KIRREL3: variants seen among roughly 807,000 people sequenced by gnomAD.
The protein encoded by KIRREL3 is kirre like nephrin family adhesion molecule 3.
KIRREL3 carries 36 observed loss-of-function variants against 89.7 expected under a neutral mutation model. The ratio of observed to expected loss-of-function variants is 0.40; its 90% CI spans 0.31 to 0.53. The LOEUF is 0.53. Ranked by LOEUF, KIRREL3 falls within the 20% of genes least tolerant of loss-of-function variation. The probability of loss-of-function intolerance (pLI) is 0.49; values close to 1 mark genes in which losing one functional copy is unlikely to be tolerated. For synonymous variants in KIRREL3, 445 were observed against 441.4 expected (o/e 1.01, Z -0.10); for missense variants, 864 against 1,056.6 (o/e 0.82, Z 2.53).
At position 126,635,200 on chromosome 11, in the gene KIRREL3, C is replaced by G. The variant is rs1215259496; in HGVS notation, c.56-72288G>C. Among the ~76,000 whole-genome samples, 1 of 152,202 alleles carries G rather than the reference C, an allele frequency of 6.6e-6. No individual in the cohort carries two copies. Among genetic ancestry groups the G allele is most frequent in the Non-Finnish European group, 1.5e-5 (1 of 68,030 alleles). Reference sequence around the variant, plus strand: ...CAGCTCCACCTCTAGGCAGGCACAGCAAGTGTGGGCATTGCTTACTGCAGA... The same window carrying G: ...CAGCTCCACCTCTAGGCAGGCACAGGAAGTGTGGGCATTGCTTACTGCAGA... On this transcript the variant is annotated intron_variant, in intron 1 of 16. Coordinates refer to ENST00000525144, the MANE Select transcript of KIRREL3 (RefSeq NM_032531.4). This position sits in a 1 kb window ranked among gnomAD's most constrained non-coding sequence, Gnocchi z 4.0.
Position 126,623,965 on chromosome 11 carries a change from T to C in KIRREL3, c.56-61053A>G, listed in dbSNP as rs1435968920. ...TTTTGTGAATTCTGTGAATTACCCT[T>C]GAACTGGTCAGAAAGATCCAACAGC... On this transcript the variant is annotated intron_variant, in intron 1 of 16. Transcript: ENST00000525144. This position sits in a 1 kb window ranked among gnomAD's most constrained non-coding sequence, Gnocchi z 4.1. 2.6e-5 allele frequency among the ~76,000 whole-genome samples: 4 copies of C among 152,144 alleles called. No homozygotes were observed. Among genetic ancestry groups the C allele is most frequent in the African/African-American group, 9.7e-5 (4 of 41,430 alleles).
At chr11:126,869,466 T>C (rs1208320988) in intron 1 of KIRREL3, among the ~76,000 whole-genome samples, 2 of 152,176 alleles carry the variant, frequency 1.3e-5, no homozygotes, top group Admixed American at 1.3e-4. Context: ...GGTCTATTTC[T>C]GGGCGACTGA....
rs1331896303 is a variant in KIRREL3, at chr11:127,000,474, G to A, written c.36C>T (p.Cys12=). ...TCCTACCTTGACTGAAGAGGAAGAA[G>A]CAGACGAAGAGCAGATCGAGCTGGA... ...KPFQLDLLFV[C]FFLFSQELGL... is the part of the protein sequence containing the mutation. The change falls in exon 1 of 17, where the codon TGC becomes TGT. Residue 12 remains cysteine (C), a synonymous_variant. Transcript: ENST00000525144. The surrounding 1 kb of genome is among the most constrained non-coding windows in gnomAD (Gnocchi z 7.1). The A allele has an allele frequency of 1.2e-6, 2 of 1,608,200 alleles. No homozygotes were observed. The highest frequency in any genetic ancestry group is 1.3e-5 in the African/African-American group (1 of 74,826).
rs976330811 is a variant in KIRREL3 at position 126,807,690 on chromosome 11, T to C, written c.55+192765A>G. ...TTTCCCCTTACCATTCACCTGGATT[T>C]TGAAAAATCGTCCTTTAACCCATTT... On this transcript the variant is annotated intron_variant, in intron 1 of 16. Coordinates refer to ENST00000525144, the MANE Select transcript of KIRREL3 (RefSeq NM_032531.4). This position sits in a 1 kb window ranked among gnomAD's most constrained non-coding sequence, Gnocchi z 4.3. 1.3e-5 allele frequency among the ~76,000 whole-genome samples: 2 copies of C among 152,154 alleles called. No homozygotes were observed. The highest frequency in any genetic ancestry group is 4.8e-5 in the African/African-American group (2 of 41,440).
rs551382999 is a variant in KIRREL3, at chr11:126,809,718, A to C, written c.55+190737T>G. Among the ~76,000 whole-genome samples, 17 of 152,314 alleles carry C rather than the reference A, an allele frequency of 1.1e-4. No individual in the cohort carries two copies. The South Asian group carries it at 3.3e-3, about 30-fold the overall frequency. On this transcript the variant is annotated intron_variant, in intron 1 of 16. Transcript: ENST00000525144. The stretch of plus-strand genomic sequence containing the variant: ...CAGTGCCTAAGGCCCCGCCCTGTAC[A>C]GGGCTTTGCTATCATCCCTGCCTCT...
At chr11:126,868,488 C>T (rs1015822765) in intron 1 of KIRREL3, among the ~76,000 whole-genome samples, 1 of 152,092 alleles carries the variant, frequency 6.6e-6, no homozygotes, top group African/African-American at 2.4e-5. Context: ...ACAGCCTTCC[C>T]TCTTTGGTGA....
chr11:126,503,607 T>C (rs1232634562), intron 4 of KIRREL3, among the ~76,000 whole-genome samples: 2 of 152,166 alleles, frequency 1.3e-5, no homozygotes, highest in Admixed American at 1.3e-4. Flanking sequence ...GACTGAATGT[T>C]TGTGATGGCC....
rs75194964 is a variant in KIRREL3, at chr11:126,542,184, G to A, written c.134-15497C>T. Among the ~76,000 whole-genome samples the A allele has an allele frequency of 1.4e-3, 215 of 152,324 alleles. 3 individuals are homozygous for A. In the East Asian group the frequency reaches 0.035, roughly 25 times the overall value. ...ACTCAGGCAGGCTGGTCTGAAGCACGAGGTGCCTTGGTCTTGCTCTCTGAG... is the reference window on the plus strand; with the variant it reads ...ACTCAGGCAGGCTGGTCTGAAGCACAAGGTGCCTTGGTCTTGCTCTCTGAG... On this transcript the variant is annotated intron_variant, in intron 2 of 16. Transcript: ENST00000525144.
rs558452630 is a variant in KIRREL3, at chr11:126,475,198, G to A, written c.434-1732C>T. Among the ~76,000 whole-genome samples, 19 of 152,172 alleles carry A rather than the reference G, an allele frequency of 1.2e-4. No homozygotes were observed. The highest frequency in any genetic ancestry group is 7.3e-5 in the Non-Finnish European group (5 of 68,028). On this transcript the variant is annotated intron_variant, in intron 4 of 16. Transcript: ENST00000525144. The surrounding 1 kb of genome is among the most constrained non-coding windows in gnomAD (Gnocchi z 7.5). ...GCCCTTCTATGCAGGCTCTGTGCTC[G>A]GGGCTCTGGGCTGGAGAAGTTCAGA...
intron 1 of KIRREL3, among the ~76,000 whole-genome samples, chr11:126,654,485 C>T (rs984354108): frequency 2.0e-5 from 3 of 152,072 alleles, no homozygotes; most frequent in Non-Finnish European, 2.9e-5. Flanking sequence ...TCTGGGAAGA[C>T]CTCTAAGAAA....
At chr11:126,833,628 G>A (rs1310124355) in intron 1 of KIRREL3, among the ~76,000 whole-genome samples, 3 of 152,236 alleles carry the variant, frequency 2.0e-5, no homozygotes, top group South Asian at 2.1e-4. Context: ...AGTTGGTGAT[G>A]TGCTAATATG....
chr11:126,659,731 T>C (rs1945308353), intron 1 of KIRREL3, among the ~76,000 whole-genome samples: 1 of 152,242 alleles, frequency 6.6e-6, no homozygotes, highest in Non-Finnish European at 1.5e-5. Flanking sequence ...CACGGGCTGA[T>C]GTGCTTGATA....
chr11:126,884,785 T>C (rs1178149342), intron 1 of KIRREL3, among the ~76,000 whole-genome samples: 2 of 152,104 alleles, frequency 1.3e-5, no homozygotes, highest in Non-Finnish European at 2.9e-5. Flanking sequence ...CATCTCTCGG[T>C]GGAGGCTAAT....
chr11:126,657,240 ATAAATAAT>A (rs61531938), intron 1 of KIRREL3, among the ~76,000 whole-genome samples: 102,756 of 146,742 alleles, frequency 0.7, 35,626 homozygotes, highest in East Asian at 0.96. Flanking sequence ...AGAATTCCAA[ATAAATAAT>A]TAAATAAATA....
chr11:126,461,339 C>T (rs567535953), intron 6 of KIRREL3, among the ~76,000 whole-genome samples: 3 of 152,312 alleles, frequency 2.0e-5, no homozygotes, highest in Admixed American at 6.5e-5. Context: ...GGGGAAGAGC[C>T]GAGGGTCGGA....
intron 1 of KIRREL3, among the ~76,000 whole-genome samples, chr11:126,828,730 A>G (rs1943503252): frequency 6.6e-6 from 1 of 152,148 alleles, no homozygotes; most frequent in Non-Finnish European, 1.5e-5. Flanking sequence ...AGACTGCACA[A>G]CCTTTAAAAG....
intron 13 of KIRREL3, among the ~76,000 whole-genome samples, chr11:126,434,548 G>A (rs1242582982): frequency 6.6e-6 from 1 of 152,242 alleles, no homozygotes; most frequent in African/African-American, 2.4e-5. Flanking sequence ...CAGAGGCCAG[G>A]GGCCAGTGTG....
intron 1 of KIRREL3, among the ~76,000 whole-genome samples, chr11:126,626,505 T>C (rs1943790471): frequency 6.6e-6 from 1 of 152,196 alleles, no homozygotes; most frequent in Non-Finnish European, 1.5e-5. Flanking sequence ...GTGCCAACCA[T>C]TAACTCTTTA....
intron 1 of KIRREL3, among the ~76,000 whole-genome samples, chr11:126,701,670 A>G (rs1393543609): frequency 2.6e-5 from 4 of 152,094 alleles, no homozygotes; most frequent in Non-Finnish European, 4.4e-5. Flanking sequence ...GAAGGGAGCG[A>G]GGAGGTCAGA....
Sources: allele counts gnomAD v4.1 joint callset (sites outside exome capture counted in the v4.1 genomes callset), GRCh38; gene constraint gnomAD v4.1.1; non-coding constraint Gnocchi (gnomAD v3.1); transcripts MANE v1.5; gene names NCBI Gene and HGNC (gene_info 2026-07-23, HGNC 2026-07-21).